TRMT44: variants seen among roughly 807,000 people sequenced by gnomAD.
TRMT44 encodes probable tRNA (uracil-O(2)-)-methyltransferase.
Under a neutral mutation model 77.3 loss-of-function variants are expected in TRMT44, and 78 were observed. The observed-to-expected ratio is 1.01, with a 90% CI of 0.84 to 1.22. TRMT44 has a LOEUF of 1.22. Ranked by LOEUF, TRMT44 falls within the 50% of genes most tolerant of loss-of-function variation. TRMT44 has a pLI of 0.00. For missense variants in TRMT44, 1,090 were observed against 964.4 expected (o/e 1.13, Z -1.73); for synonymous variants, 391 against 383.3 (o/e 1.02, Z -0.23).
chr4:8,451,833 G>A lies in TRMT44; in HGVS notation c.955-127G>A. 3 of 821,732 alleles carry A rather than the reference G, an allele frequency of 3.7e-6. No individual in the cohort carries two copies. Among genetic ancestry groups the A allele is most frequent in the Non-Finnish European group, 5.9e-6 (3 of 511,948 alleles). 50.9% of individuals were successfully genotyped at this position (821,732 alleles called of 1,614,324 possible). ...ACCAGTTGTGAATTCCTGCCTTTGA[G>A]CTTATGTTTCCTATTTTAGTGTACG... On this transcript the variant is annotated intron_variant, in intron 3 of 10. Transcript: ENST00000389737. The surrounding 1 kb of genome is among the most constrained non-coding windows in gnomAD (Gnocchi z 4.1).
chr4:8,446,581 A>G lies in TRMT44; in HGVS notation c.725A>G (p.Lys242Arg). Reference sequence around the variant, plus strand: ...TATCAAATTCAGCTCAGTCATAGCAAAGAAGAATGGTAAGAGCTGGACAGT... The same window carrying G: ...TATCAAATTCAGCTCAGTCATAGCAGAGAAGAATGGTAAGAGCTGGACAGT... ...NVYQIQLSHSKEEWFISVLIF... is the reference protein window; with the variant it reads ...NVYQIQLSHSREEWFISVLIF... The change falls in exon 2 of 11, where the codon AAA becomes AGA. Residue 242 changes from lysine to arginine, a missense_variant. By Grantham distance (26) the Lys-to-Arg change is conservative. Transcript: ENST00000389737. This position sits in a 1 kb window ranked among gnomAD's most constrained non-coding sequence, Gnocchi z 4.3. 6.5e-7 allele frequency: 1 copy of G among 1,533,696 alleles called. No homozygotes were observed. The highest frequency in any genetic ancestry group is 8.7e-7 in the Non-Finnish European group (1 of 1,144,558).
rs1248649912 is a variant in TRMT44 at position 8,450,001 on chromosome 4, C to CA, written c.954+121dup. On this transcript the variant is annotated intron_variant, in intron 3 of 10. Transcript: ENST00000389737. ...CGACAGTCTTGTTCTGTCACCCCCC[C>CA]AAAAAAAAGGGCCAGAGTGAAGTGG... The CA allele has an allele frequency of 1.6e-4, 98 of 598,420 alleles. 1 individual carries two copies. Among genetic ancestry groups the CA allele is most frequent in the Middle Eastern group, 5.3e-4 (1 of 1,872 alleles). 37.1% of individuals were successfully genotyped at this position (598,420 alleles called of 1,614,324 possible).
At chr4:8,479,007 C>G (rs1362193487), downstream of TRMT44, 1 of 152,270 alleles carries the variant, frequency 6.6e-6, no homozygotes, top group Non-Finnish European at 1.5e-5. Context: ...CATGGCCAAG[C>G]CCTGGGGTCT....
chr4:8,476,315 G>T lies in TRMT44; in HGVS notation c.*314G>T, dbSNP rs1727384665. The T allele has an allele frequency of 2.6e-6, 1 of 391,436 alleles. No individual in the cohort carries two copies. The highest frequency in any genetic ancestry group is 5.3e-5 in the East Asian group (1 of 18,768). 24.2% of individuals were successfully genotyped at this position (391,436 alleles called of 1,614,324 possible). A position where few individuals can be genotyped will look rare whatever the true frequency, so the allele number is the denominator to read the frequency against. On this transcript the variant is annotated 3_prime_UTR_variant, in exon 11 of 11. Coordinates refer to ENST00000389737, the MANE Select transcript of TRMT44 (RefSeq NM_152544.3). ...CTCCTGGGGGAGAGCGGCTGAGGCT[G>T]CCTTGCACAGGCCCTTCCCAGGGCG...
Position 8,465,458 on chromosome 4 carries a change from A to G in TRMT44, c.1391A>G (p.Lys464Arg), listed in dbSNP as rs769007400. 2.1e-5 allele frequency: 34 copies of G among 1,614,188 alleles called. No homozygotes were observed. Among genetic ancestry groups the G allele is most frequent in the Non-Finnish European group, 2.9e-5 (34 of 1,180,024 alleles). ...FIGRYSRRQSKKTQYREYLDF... is the reference protein window; with the variant it reads ...FIGRYSRRQSRKTQYREYLDF... ...GGAAGATACTCCCGGAGGCAGAGTA[A>G]GAAGACTCAGTACCGGGAATACCTT... Residue 464 changes from lysine to arginine, a missense_variant, in exon 8 of 11, where the codon AAG (lysine) becomes AGG (arginine). Physicochemically the swap from Lys to Arg is conservative, Grantham distance 26 (BLOSUM62 2). Coordinates refer to ENST00000389737, the MANE Select transcript of TRMT44 (RefSeq NM_152544.3).
the TRMT44 span, among the ~76,000 whole-genome samples, chr4:8,503,647 C>T: frequency 6.6e-6 from 1 of 152,218 alleles, no homozygotes. Context: ...CCCCGATGCC[C>T]ACACAGGGTT....
At chr4:8,503,721 AG>A in the TRMT44 span, among the ~76,000 whole-genome samples, 1 of 152,212 alleles carries the variant, frequency 6.6e-6, no homozygotes, top group Non-Finnish European at 1.5e-5. Context: ...CCCGTCCAGA[AG>A]CTTCCTCTTC....
At chr4:8,455,638 G>A (rs1243918991) in intron 6 of TRMT44, among the ~76,000 whole-genome samples, 2 of 152,178 alleles carry the variant, frequency 1.3e-5, no homozygotes, top group East Asian at 3.8e-4. Flanking sequence ...TTGTGACCAT[G>A]GTGTATACGG....
At chr4:8,473,554 A>C (rs73091447) in intron 10 of TRMT44, 3 of 152,418 alleles carry the variant, frequency 2.0e-5, no homozygotes, top group African/African-American at 7.2e-5. Flanking sequence ...CCTCAGAGCA[A>C]CTTGGTGAAA....
At chr4:8,468,697 G>C in intron 9 of TRMT44, 1 of 477,144 alleles carries the variant, frequency 2.1e-6, no homozygotes, top group Non-Finnish European at 3.7e-6. Flanking sequence ...GTCCCCTTGA[G>C]TATGTGGTAA....
downstream of TRMT44, among the ~76,000 whole-genome samples, chr4:8,497,055 T>C (rs1290515474): frequency 6.6e-6 from 1 of 152,070 alleles, no homozygotes; most frequent in Non-Finnish European, 1.5e-5. Flanking sequence ...AGTGTTTTTC[T>C]ATTTAGCAGC....
At chr4:8,502,541 A>AGGCTCAGCTGG in the TRMT44 span, among the ~76,000 whole-genome samples, 1 of 152,190 alleles carries the variant, frequency 6.6e-6, no homozygotes, top group African/African-American at 2.4e-5. Flanking sequence ...GTCTCAGCCG[A>AGGCTCAGCTGG]GGCTCAGCTG....
At chr4:8,500,998 C>G in the TRMT44 span, among the ~76,000 whole-genome samples, 1 of 152,290 alleles carries the variant, frequency 6.6e-6, no homozygotes, top group Admixed American at 6.5e-5. Flanking sequence ...TAGATAGAAC[C>G]ACTTCCTCAG....
At chr4:8,505,207 C>G in the TRMT44 span, among the ~76,000 whole-genome samples, 1 of 152,194 alleles carries the variant, frequency 6.6e-6, no homozygotes, top group Non-Finnish European at 1.5e-5. Context: ...GGCTTCTGTC[C>G]GGGTGCTGCT....
chr4:8,479,954 TAC>T (rs1727561612), downstream of TRMT44, among the ~76,000 whole-genome samples: 1 of 152,152 alleles, frequency 6.6e-6, no homozygotes, highest in African/African-American at 2.4e-5. Flanking sequence ...CTCGGCTCAC[TAC>T]AGTGAGCCTC....
chr4:8,465,739 G>A (rs930552024), intron 8 of TRMT44, among the ~76,000 whole-genome samples, 178 bp downstream of exon 8: 2 of 152,132 alleles, frequency 1.3e-5, no homozygotes, highest in Non-Finnish European at 1.5e-5. Flanking sequence ...GTCCCATGGT[G>A]CCCTCCTTAA....
rs201920958 is a variant in TRMT44 at position 8,468,209 on chromosome 4, G to A, written c.1790G>A (p.Arg597His). The A allele has an allele frequency of 7.0e-5, 113 of 1,614,262 alleles. No homozygotes were observed. Among genetic ancestry groups the A allele is most frequent in the Middle Eastern group, 3.3e-4 (2 of 6,062 alleles). The part of the protein sequence containing the change: ...PGFHPREKAE[R>H]VRNCAALPRD... Reference sequence around the variant, plus strand: ...TTTCATCCCAGAGAAAAGGCTGAGCGTGTGAGGAACTGTGCCGCCCTGCCA... The same window carrying A: ...TTTCATCCCAGAGAAAAGGCTGAGCATGTGAGGAACTGTGCCGCCCTGCCA... The change falls in exon 9 of 11, where the codon CGT (arginine) becomes CAT (histidine). Residue 597 changes from arginine to histidine, a missense_variant. Coordinates refer to ENST00000389737, the MANE Select transcript of TRMT44 (RefSeq NM_152544.3).
At chr4:8,494,547 A>G (rs1237168525), downstream of TRMT44, among the ~76,000 whole-genome samples, 2 of 152,236 alleles carry the variant, frequency 1.3e-5, no homozygotes, top group East Asian at 3.8e-4. Flanking sequence ...TGTGACGTGG[A>G]AGCCCCTGCT....
chr4:8,474,106 G>A (rs1434182139), intron 10 of TRMT44, among the ~76,000 whole-genome samples: 1 of 152,104 alleles, frequency 6.6e-6, no homozygotes, highest in Non-Finnish European at 1.5e-5. Flanking sequence ...CTGGCTCTGA[G>A]GGGAATCTGT....
Sources: gnomAD v4.1 joint callset for allele counts (sites outside exome capture counted in the v4.1 genomes callset) on GRCh38, gnomAD v4.1.1 for gene constraint, Gnocchi (gnomAD v3.1) non-coding constraint, MANE v1.5 for transcripts, NCBI Gene and HGNC (gene_info 2026-07-23, HGNC 2026-07-21) for gene names.